RBM26: variants seen among roughly 807,000 people sequenced by gnomAD.
The protein encoded by RBM26 is RNA binding motif protein 26.
A neutral mutation model predicts 123.6 loss-of-function variants in RBM26; 30 were observed. That is an observed-to-expected ratio of 0.24 (90% CI 0.18 to 0.33). RBM26 has a LOEUF of 0.33. RBM26 is among the 10% of genes least tolerant of loss of function. The pLI, the probability that RBM26 is intolerant of heterozygous loss-of-function variation, is 1.00. For synonymous variants in RBM26, 400 were observed against 404.4 expected (o/e 0.99, Z 0.13); for missense variants, 947 against 1,203.6 (o/e 0.79, Z 3.15).
intron 10 of RBM26, among the ~76,000 whole-genome samples, chr13:79,358,966 T>C (rs749979120): frequency 6.6e-6 from 1 of 152,240 alleles, no homozygotes; most frequent in Non-Finnish European, 1.5e-5. Flanking sequence ...GAGGTTACTC[T>C]GCATTAAATC....
chr13:79,354,582 GA>G lies in RBM26; in HGVS notation c.1855-13del, dbSNP rs778704567. The G allele has an allele frequency of 1.2e-5, 19 of 1,565,414 alleles. No homozygotes were observed. Among genetic ancestry groups the G allele is most frequent in the Admixed American group, 3.6e-5 (2 of 55,230 alleles). ...AAAGGCTGCATTACCTCAGAACAAG[GA>G]AAAAATGTTAAACAAGTTGATTCAT... On this transcript the variant is annotated splice_polypyrimidine_tract_variant and intron_variant, in intron 12 of 21. Coordinates refer to ENST00000438737, the MANE Select transcript of RBM26 (RefSeq NM_001366735.2).
At chr13:79,349,272 T>C (rs1594185964) in intron 14 of RBM26, among the ~76,000 whole-genome samples, 1 of 152,222 alleles carries the variant, frequency 6.6e-6, no homozygotes, top group East Asian at 1.9e-4. Context: ...CGTTGTACTA[T>C]AGATATCTTT....
At position 79,395,658 on chromosome 13, in the gene RBM26, T is replaced by TC. The variant is rs528795847; in HGVS notation, c.71+10045dup. Among the ~76,000 whole-genome samples the TC allele has an allele frequency of 1.2e-3, 183 of 151,862 alleles. 1 individual carries two copies. The highest frequency in any genetic ancestry group is 0.01 in the Middle Eastern group (3 of 294). ...CATTCCAGCTACTGAGGCAAAAGAA[T>TC]CCCTTGAGCCCAGGAGGTCCAGTCC... On this transcript the variant is annotated intron_variant, in intron 1 of 21. Transcript: ENST00000438737.
chr13:79,403,131 A>C (rs2079193955), intron 1 of RBM26, among the ~76,000 whole-genome samples: 1 of 152,142 alleles, frequency 6.6e-6, no homozygotes, highest in African/African-American at 2.4e-5. Flanking sequence ...AGATCATAAC[A>C]TTTCACAAAA....
intron 20 of RBM26, among the ~76,000 whole-genome samples, chr13:79,329,291 T>C (rs912482651): frequency 3.9e-5 from 6 of 152,142 alleles, no homozygotes; most frequent in Middle Eastern, 6.8e-3. Flanking sequence ...AAAGTATCAG[T>C]ATGAGCTCTA....
chr13:79,393,107 C>T (rs1470696714), intron 1 of RBM26, among the ~76,000 whole-genome samples: 1 of 152,160 alleles, frequency 6.6e-6, no homozygotes, highest in Non-Finnish European at 1.5e-5. Context: ...AAGAGATTAC[C>T]AAGGAACTAC....
chr13:79,334,705 T>A (rs2070023820), intron 19 of RBM26, among the ~76,000 whole-genome samples: 1 of 152,124 alleles, frequency 6.6e-6, no homozygotes, highest in Non-Finnish European at 1.5e-5. Flanking sequence ...GAAATAATGG[T>A]CAAAGCCTGA....
chr13:79,328,153 G>A (rs2068720752), intron 20 of RBM26, among the ~76,000 whole-genome samples: 1 of 151,876 alleles, frequency 6.6e-6, no homozygotes, highest in South Asian at 2.1e-4. Context: ...AGTTTACATC[G>A]AAAATAAACA....
At chr13:79,335,542 A>T (rs924903345) in intron 19 of RBM26, among the ~76,000 whole-genome samples, 2 of 152,100 alleles carry the variant, frequency 1.3e-5, no homozygotes, top group Admixed American at 1.3e-4. Flanking sequence ...AATAATGTAA[A>T]TTTTTTTTCC....
chr13:79,379,267 A>G (rs2076886909), intron 1 of RBM26, among the ~76,000 whole-genome samples: 1 of 151,454 alleles, frequency 6.6e-6, no homozygotes, highest in South Asian at 2.1e-4. Flanking sequence ...GGCACAGTGA[A>G]TCAGTCCTGT....
Position 79,337,322 on chromosome 13 carries a change from C to T in RBM26, c.2533-20G>A, listed in dbSNP as rs752267619. ...GGCAGCCTAGAAGAGATTAGACACA[C>T]AGGTTAAACAATGCTGTGATTACTA... is the stretch of plus-strand genomic sequence containing the variant. On this transcript the variant is annotated intron_variant, in intron 18 of 21. Transcript: ENST00000438737. 1.2e-6 allele frequency: 2 copies of T among 1,613,574 alleles called. No homozygotes were observed. The highest frequency in any genetic ancestry group is 3.3e-5 in the Admixed American group (2 of 60,014).
At chr13:79,366,288 C>T (rs991091742) in intron 7 of RBM26, 93 bp from the exon 8 acceptor site, 19 of 1,303,890 alleles carry the variant, frequency 1.5e-5, no homozygotes, top group South Asian at 7.3e-5. Flanking sequence ...ATTTATCAAA[C>T]TATAATATCT....
intron 16 of RBM26, 50 bp from the exon 17 acceptor site, chr13:79,342,881 A>T (rs1381385558): frequency 8.4e-7 from 1 of 1,191,734 alleles, no homozygotes; most frequent in Admixed American, 2.3e-5. Context: ...TCCTATTATC[A>T]TTAACAAAAC....
intron 14 of RBM26, among the ~76,000 whole-genome samples, chr13:79,348,660 G>A (rs535390148): frequency 5.3e-5 from 8 of 152,182 alleles, no homozygotes; most frequent in African/African-American, 1.2e-4. Context: ...TGTAGGAAAC[G>A]TATTAATACA....
chr13:79,343,072 T>C (rs7319320), intron 16 of RBM26, among the ~76,000 whole-genome samples: 76,415 of 151,464 alleles, frequency 0.5, 19,674 homozygotes, highest in Middle Eastern at 0.6. Context: ...TATTTGGGTC[T>C]CTCAGAACAT....
At chr13:79,355,722 TC>T (rs1379232825) in intron 11 of RBM26, among the ~76,000 whole-genome samples, 1 of 152,140 alleles carries the variant, frequency 6.6e-6, no homozygotes, top group Non-Finnish European at 1.5e-5. Context: ...ATGGCAAAGA[TC>T]CACAGAATCT....
Position 79,344,737 on chromosome 13 carries a change from C to A in RBM26, c.2116G>T (p.Ala706Ser), listed in dbSNP as rs2072022469. 1.2e-6 allele frequency: 2 copies of A among 1,612,960 alleles called. No homozygotes were observed. Among genetic ancestry groups the A allele is most frequent in the African/African-American group, 1.3e-5 (1 of 74,836 alleles). ...GAAACAAGTAAGGTTTTCTGTGCAG[C>A]CTTCAAAGCAGCTGGATTATACACT... ...KTVYNPAALK[A>S]AQKTLLVSTS... The change falls in exon 15 of 22, where the codon GCT becomes TCT. Residue 706 changes from alanine (A) to serine (S), a missense_variant. Transcript: ENST00000438737.
At chr13:79,367,431 AAG>A (rs1247606455) in intron 6 of RBM26, among the ~76,000 whole-genome samples, 12 of 42,912 alleles carry the variant, frequency 2.8e-4, no homozygotes, top group Admixed American at 1.8e-3. Context: ...AAAAAAAAAA[AAG>A]AAGAAGAAGA....
intron 14 of RBM26, among the ~76,000 whole-genome samples, chr13:79,348,953 A>G (rs1451010541): frequency 6.6e-6 from 1 of 152,174 alleles, no homozygotes; most frequent in Admixed American, 6.5e-5. Context: ...CAAAAACTGT[A>G]TAGAGATGTC....
Sources: gnomAD v4.1 joint callset for allele counts (sites outside exome capture counted in the v4.1 genomes callset) on GRCh38, gnomAD v4.1.1 for gene constraint, MANE v1.5 for transcripts, NCBI Gene and HGNC (gene_info 2026-07-23, HGNC 2026-07-21) for gene names.